Variants in ANXA11 observed in about 807,000 individuals in gnomAD.
ANXA11 encodes annexin A11.
Under a neutral mutation model 64.7 loss-of-function variants are expected in ANXA11, and 57 were observed. The observed-to-expected ratio is 0.88, with a 90% CI of 0.71 to 1.10. ANXA11 has a LOEUF of 1.10. Among genes scored for constraint, ANXA11 ranks in the 50% least tolerant of loss-of-function variants. The pLI is 0.00. For synonymous variants in ANXA11, 260 were observed against 265.2 expected (o/e 0.98, Z 0.19); for missense variants, 675 against 670.7 (o/e 1.01, Z -0.07).
At chr10:80,187,024 G>A (rs12251621) in intron 1 of ANXA11, among the ~76,000 whole-genome samples, 53 of 152,202 alleles carry the variant, frequency 3.5e-4, no homozygotes, top group African/African-American at 1.3e-3. Context: ...CTAATATCTG[G>A]CTGCCTCGCA....
chr10:80,202,699 T>C (rs1422382815), intron 1 of ANXA11, among the ~76,000 whole-genome samples: 1 of 152,116 alleles, frequency 6.6e-6, no homozygotes, highest in Non-Finnish European at 1.5e-5. Context: ...CGCTTCCCCA[T>C]GGGAACAAGT....
intron 2 of ANXA11, among the ~76,000 whole-genome samples, chr10:80,173,493 G>A (rs1283453984): frequency 6.6e-6 from 1 of 152,238 alleles, no homozygotes; most frequent in African/African-American, 2.4e-5. Flanking sequence ...CTGCAGTAGA[G>A]GCTGCTGATT....
At chr10:80,173,343 A>G (rs1167470878) in intron 2 of ANXA11, among the ~76,000 whole-genome samples, 2 of 152,134 alleles carry the variant, frequency 1.3e-5, no homozygotes, top group African/African-American at 2.4e-5. Flanking sequence ...GTCTCTCTTC[A>G]TTCTCCAACC....
At chr10:80,167,385 C>A in intron 5 of ANXA11, 72 bp from the exon 6 acceptor site, 1 of 1,384,604 alleles carries the variant, frequency 7.2e-7, no homozygotes, top group Non-Finnish European at 1.0e-6. Flanking sequence ...TGCTCCACCC[C>A]TAGACTCTGG....
At chr10:80,197,123 C>A (rs1840204028) in intron 1 of ANXA11, among the ~76,000 whole-genome samples, 1 of 152,176 alleles carries the variant, frequency 6.6e-6, no homozygotes, top group Admixed American at 6.5e-5. Context: ...ACCCAGAGAG[C>A]AGAAAGACTC....
intron 4 of ANXA11, 52 bp from the exon 5 acceptor site, chr10:80,169,410 T>C (rs1237339075): frequency 3.1e-6 from 5 of 1,589,826 alleles, no homozygotes; most frequent in Non-Finnish European, 4.3e-6. Flanking sequence ...CTGCACTCCG[T>C]CCCTCCACCC....
intron 5 of ANXA11, among the ~76,000 whole-genome samples, chr10:80,168,044 G>A (rs1589426054): frequency 6.6e-6 from 1 of 152,132 alleles, no homozygotes; most frequent in Non-Finnish European, 1.5e-5. Flanking sequence ...AGGGAAGGAG[G>A]AAAGGAGACC....
intron 15 of ANXA11, chr10:80,156,969 C>G: frequency 1.0e-6 from 1 of 985,180 alleles, no homozygotes; most frequent in South Asian, 4.7e-5. Context: ...AGAATTTGAG[C>G]GTTAGACCAC....
intron 1 of ANXA11, among the ~76,000 whole-genome samples, chr10:80,182,516 T>C (rs539786507): frequency 6.6e-6 from 1 of 152,328 alleles, no homozygotes; most frequent in East Asian, 1.9e-4. Flanking sequence ...TGTTTATACA[T>C]GCTCAGATAT....
chr10:80,157,208 C>T (rs527690238), intron 15 of ANXA11: 25 of 985,214 alleles, frequency 2.5e-5, no homozygotes, highest in East Asian at 1.1e-4. Context: ...CTCCAAGTGG[C>T]GTGACCCCCA....
intron 3 of ANXA11, chr10:80,171,531 C>T (rs1300321118): frequency 1.2e-6 from 1 of 812,426 alleles, no homozygotes; most frequent in African/African-American, 1.9e-5. Flanking sequence ...CTTTCACCCT[C>T]CTTAGGCTTG....
intron 1 of ANXA11, among the ~76,000 whole-genome samples, chr10:80,197,450 A>G (rs546882970): frequency 3.3e-5 from 5 of 152,148 alleles, no homozygotes; most frequent in Non-Finnish European, 7.4e-5. Flanking sequence ...ACAACAGAGA[A>G]TGGGGGTTGG....
chr10:80,188,480 C>CAT (rs71034291), intron 1 of ANXA11, among the ~76,000 whole-genome samples: 9,867 of 100,136 alleles, frequency 0.099, 524 homozygotes, highest in Middle Eastern at 0.12. Flanking sequence ...AGTATTCTCA[C>CAT]ATATATATAT....
At chr10:80,195,156 T>C (rs7919541) in intron 1 of ANXA11, among the ~76,000 whole-genome samples, 1,736 of 152,300 alleles carry the variant, frequency 0.011, 37 homozygotes, top group African/African-American at 0.04. Context: ...CAAACCACTC[T>C]GGAAGCCCAG....
chr10:80,167,186 G>C (rs377057609), intron 6 of ANXA11, 40 bp downstream of exon 6: 2 of 1,590,882 alleles, frequency 1.3e-6, no homozygotes, highest in East Asian at 2.2e-5. Context: ...TGGGAAATAG[G>C]GGGCAGGGAG....
In ANXA11 at chr10:80,201,912, C is replaced by A. The variant is rs568311017; in HGVS notation, c.-58+3431G>T. Among the ~76,000 whole-genome samples, 12 of 152,276 alleles carry A rather than the reference C, an allele frequency of 7.9e-5. No homozygotes were observed. In the East Asian group the frequency reaches 2.1e-3, roughly 27 times the overall value. On this transcript the variant is annotated intron_variant, in intron 1 of 15. Transcript: ENST00000422982. Reference sequence around the variant, plus strand: ...CCCCATCTCATGTCCTCCAAGTCAGCCATCCCCAAGTGTGAGGGGCAGGGG... The same window carrying A: ...CCCCATCTCATGTCCTCCAAGTCAGACATCCCCAAGTGTGAGGGGCAGGGG...
At position 80,172,856 on chromosome 10, in the gene ANXA11, G is replaced by C. The variant is rs1242495944; in HGVS notation, c.6C>G (p.Ser2Arg). 1 of 1,613,876 alleles carries C rather than the reference G, an allele frequency of 6.2e-7. No individual in the cohort carries two copies. Among genetic ancestry groups the C allele is most frequent in the Non-Finnish European group, 8.5e-7 (1 of 1,179,936 alleles). MSYPGYPPPPGG... is the reference protein window; with the variant it reads MRYPGYPPPPGG... ...CTGGGGGCGGGGGATAGCCAGGGTA[G>C]CTCATGGTTAGATCTGGAAGAGAAG... Residue 2 changes from serine to arginine, a missense_variant, in exon 3 of 16, where the codon AGC becomes AGG. Ser to Arg is a moderately radical substitution (Grantham distance 110). Transcript: ENST00000422982.
chr10:80,191,230 T>C (rs757426478), intron 1 of ANXA11, among the ~76,000 whole-genome samples: 7 of 151,472 alleles, frequency 4.6e-5, no homozygotes, highest in Non-Finnish European at 7.4e-5. Flanking sequence ...TGTCTCAAAA[T>C]AAAATAAAAT....
Position 80,159,140 on chromosome 10 carries a change from C to T in ANXA11, c.1236G>A (p.Arg412=), listed in dbSNP as rs1432797074. ...TGRDIEKSIC[R]EMSGDLEEGM... ...CCTCCTCCAGGTCCCCGGACATCTC[C>T]CGGCAGATGCTCTTCTCAATGTCCC... The change falls in exon 13 of 16, where the codon CGG becomes CGA. Residue 412 remains arginine (R), a synonymous_variant. Transcript: ENST00000422982. 10 of 1,614,022 alleles carry T rather than the reference C, an allele frequency of 6.2e-6. No individual in the cohort carries two copies. The highest frequency in any genetic ancestry group is 1.3e-5 in the African/African-American group (1 of 74,916).
Sources: allele counts gnomAD v4.1 joint callset (sites outside exome capture counted in the v4.1 genomes callset), GRCh38; gene constraint gnomAD v4.1.1; transcripts MANE v1.5; gene names NCBI Gene and HGNC (gene_info 2026-07-23, HGNC 2026-07-21).